XRN1: variants seen among roughly 807,000 people sequenced by gnomAD.
The protein encoded by XRN1 is 5'-3' exoribonuclease 1.
A neutral mutation model predicts 222.3 loss-of-function variants in XRN1; 67 were observed. The observed-to-expected ratio is 0.30, with a 90% CI of 0.25 to 0.37. The LOEUF is 0.37. XRN1 is among the 10% of genes least tolerant of loss of function. XRN1 has a pLI of 1.00. For synonymous variants in XRN1, 643 were observed against 652.4 expected (o/e 0.99, Z 0.22); for missense variants, 1,707 against 2,000.2 (o/e 0.85, Z 2.80).
rs1405343891 is a variant in XRN1 at position 142,310,469 on chromosome 3, A to C, written c.*1042T>G. The C allele has an allele frequency of 6.6e-6, 1 of 152,610 alleles. No homozygotes were observed. Among genetic ancestry groups the C allele is most frequent in the Non-Finnish European group, 1.5e-5 (1 of 68,026 alleles). The allele number at this position is 152,610 out of a possible 1,614,324, so 9.5% of individuals were successfully genotyped here. On this transcript the variant is annotated 3_prime_UTR_variant, in exon 41 of 41. Transcript: ENST00000392981. ...TCCCAGCATCATTGAACAGTTCAGCATAAAGCTAAAAATATAGAATCAGAA... is the reference window on the plus strand; with the variant it reads ...TCCCAGCATCATTGAACAGTTCAGCCTAAAGCTAAAAATATAGAATCAGAA...
rs115862286 is a variant in XRN1, at chr3:142,425,739, T to C, written c.407-201A>G. Among the ~76,000 whole-genome samples the C allele has an allele frequency of 8.7e-3, 1,332 of 152,234 alleles. 14 individuals carry two copies. Among genetic ancestry groups the C allele is most frequent in the Middle Eastern group, 0.027 (8 of 294 alleles). On this transcript the variant is annotated intron_variant, in intron 3 of 40. Coordinates refer to ENST00000392981, the MANE Select transcript of XRN1 (RefSeq NM_001282857.2). ...TTGCAAATATCACAACTGTTTCTAATGTCACTAGTCCCCCTAAATAGAATC... is the reference window on the plus strand; with the variant it reads ...TTGCAAATATCACAACTGTTTCTAACGTCACTAGTCCCCCTAAATAGAATC...
At chr3:142,402,024 T>G (rs1474425327) in intron 18 of XRN1, among the ~76,000 whole-genome samples, 1 of 152,184 alleles carries the variant, frequency 6.6e-6, no homozygotes, top group Non-Finnish European at 1.5e-5. Flanking sequence ...CATTTATAAC[T>G]GTGGGCATTT....
intron 2 of XRN1, among the ~76,000 whole-genome samples, chr3:142,429,481 G>C (rs1302569616): frequency 6.6e-6 from 1 of 152,088 alleles, no homozygotes; most frequent in East Asian, 1.9e-4. Flanking sequence ...GGAAATTTTA[G>C]TGGCATGGTG....
intron 39 of XRN1, among the ~76,000 whole-genome samples, chr3:142,315,808 C>T (rs752615818): frequency 6.6e-6 from 1 of 152,114 alleles, no homozygotes; most frequent in Non-Finnish European, 1.5e-5. Context: ...AGCCACTGCG[C>T]CCGGCCTAAA....
In XRN1 at chr3:142,306,773, T is replaced by C. The variant is rs985246251; in HGVS notation, c.*4738A>G. The C allele has an allele frequency of 6.6e-6, 1 of 152,576 alleles. No individual in the cohort carries two copies. Among genetic ancestry groups the C allele is most frequent in the African/African-American group, 2.4e-5 (1 of 41,438 alleles). The allele number at this position is 152,576 out of a possible 1,614,324, so 9.5% of individuals were successfully genotyped here. ...ATAACGTAACACCACAAAAATACAT[T>C]CGGAGTCCATTCCAATGCAAGTTTA... On this transcript the variant is annotated 3_prime_UTR_variant, in exon 41 of 41. Transcript: ENST00000392981.
chr3:142,307,081 T>C lies in XRN1; in HGVS notation c.*4430A>G, dbSNP rs956050222. ...TAGATGAAAATACTCAAAGAAGCAG[T>C]TGGATACAGGCAAAAGAAAATATGA... On this transcript the variant is annotated 3_prime_UTR_variant, in exon 41 of 41. Coordinates refer to ENST00000392981, the MANE Select transcript of XRN1 (RefSeq NM_001282857.2). 6.6e-6 allele frequency: 1 copy of C among 152,420 alleles called. No individual in the cohort carries two copies. The highest frequency in any genetic ancestry group is 2.4e-5 in the African/African-American group (1 of 41,420). 9.4% of individuals were successfully genotyped at this position (152,420 alleles called of 1,614,324 possible). A position where few individuals can be genotyped will look rare whatever the true frequency, so the allele number is the denominator to read the frequency against.
chr3:142,375,561 T>A (rs2067118066), intron 25 of XRN1, among the ~76,000 whole-genome samples: 1 of 152,156 alleles, frequency 6.6e-6, no homozygotes, highest in South Asian at 2.1e-4. Context: ...TAAGAAAAAT[T>A]TTAACTAAAG....
intron 37 of XRN1, among the ~76,000 whole-genome samples, chr3:142,325,841 A>G (rs1446500868): frequency 6.6e-6 from 1 of 152,122 alleles, no homozygotes; most frequent in Non-Finnish European, 1.5e-5. Context: ...TTGATTTTTG[A>G]AAATGGTGAG....
chr3:142,385,446 G>C (rs1169578969), intron 20 of XRN1, among the ~76,000 whole-genome samples: 1 of 152,070 alleles, frequency 6.6e-6, no homozygotes, highest in African/African-American at 2.4e-5. Flanking sequence ...AATAGATTGG[G>C]GGTTGCCAGG....
chr3:142,361,893 G>GT (rs35580489), intron 29 of XRN1, among the ~76,000 whole-genome samples: 51,191 of 121,954 alleles, frequency 0.42, 9,645 homozygotes, highest in Middle Eastern at 0.51. Context: ...TTTGAAGAGA[G>GT]TTTTTTTTTT....
chr3:142,388,566 G>A (rs2067596416), intron 20 of XRN1, among the ~76,000 whole-genome samples: 1 of 152,186 alleles, frequency 6.6e-6, no homozygotes, highest in African/African-American at 2.4e-5. Flanking sequence ...CTTTTTGTTA[G>A]TGGAGGGTCT....
chr3:142,334,803 A>ACACACACACACACACACACACACAC (rs57347012), intron 34 of XRN1, among the ~76,000 whole-genome samples: 3 of 134,240 alleles, frequency 2.2e-5, no homozygotes, highest in Non-Finnish European at 4.8e-5. Context: ...CACACACACA[A>ACACACACACACACACACACACACAC]AAGACCATAT....
intron 13 of XRN1, among the ~76,000 whole-genome samples, chr3:142,416,257 A>G (rs146267524): frequency 1.3e-5 from 2 of 152,190 alleles, no homozygotes; most frequent in African/African-American, 2.4e-5. Flanking sequence ...GCTCAGCTCA[A>G]TTGCAGCCTC....
At chr3:142,382,673 T>C (rs1283816155) in intron 22 of XRN1, among the ~76,000 whole-genome samples, 1 of 152,178 alleles carries the variant, frequency 6.6e-6, no homozygotes, top group African/African-American at 2.4e-5. Flanking sequence ...GTTATGAAAT[T>C]AGACGTCAAG....
At chr3:142,326,297 C>A (rs1213138385) in intron 37 of XRN1, among the ~76,000 whole-genome samples, 1 of 151,868 alleles carries the variant, frequency 6.6e-6, no homozygotes, top group African/African-American at 2.4e-5. Flanking sequence ...ACAATCTTTC[C>A]ATTTCTTTGT....
At chr3:142,330,440 C>A (rs1463446140) in intron 36 of XRN1, among the ~76,000 whole-genome samples, 1 of 152,000 alleles carries the variant, frequency 6.6e-6, no homozygotes, top group Non-Finnish European at 1.5e-5. Context: ...ACTAATAGAA[C>A]AAAAGCATAC....
Position 142,383,221 on chromosome 3 carries a change from T to G in XRN1, c.2616+79A>C, listed in dbSNP as rs540738643. On this transcript the variant is annotated intron_variant, in intron 22 of 40. Coordinates refer to ENST00000392981, the MANE Select transcript of XRN1 (RefSeq NM_001282857.2). ...TTTTCCCTTCATTATTATATTTTAA[T>G]TTAAACCTAAATGAAGAGAAGTTAA... The G allele has an allele frequency of 4.0e-4, 445 of 1,111,708 alleles. 2 individuals are homozygous for G. In the African/African-American group the frequency reaches 6.0e-3, roughly 15 times the overall value. The allele number at this position is 1,111,708 out of a possible 1,614,324, so 68.9% of individuals were successfully genotyped here. A position where few individuals can be genotyped will look rare whatever the true frequency, so the allele number is the denominator to read the frequency against.
At position 142,310,546 on chromosome 3, in the gene XRN1, T is replaced by C. The variant is rs551931635; in HGVS notation, c.*965A>G. On this transcript the variant is annotated 3_prime_UTR_variant, in exon 41 of 41. Coordinates refer to ENST00000392981, the MANE Select transcript of XRN1 (RefSeq NM_001282857.2). ...CACAAACTGATGACTGTGCCTCCTA[T>C]ATTGTAGCACACCTTGGAACTTAAA... 15 of 152,706 alleles carry C rather than the reference T, an allele frequency of 9.8e-5. No individual in the cohort carries two copies. The highest frequency in any genetic ancestry group is 3.6e-4 in the African/African-American group (15 of 41,564). 9.5% of individuals were successfully genotyped at this position (152,706 alleles called of 1,614,324 possible). A position where few individuals can be genotyped will look rare whatever the true frequency, so the allele number is the denominator to read the frequency against.
chr3:142,379,780 C>T (rs2067248225), intron 23 of XRN1, among the ~76,000 whole-genome samples: 1 of 152,154 alleles, frequency 6.6e-6, no homozygotes. Context: ...GTTTAAAACA[C>T]CTAAATCTGT....
Sources: allele counts gnomAD v4.1 joint callset (sites outside exome capture counted in the v4.1 genomes callset), GRCh38; gene constraint gnomAD v4.1.1; transcripts MANE v1.5; gene names NCBI Gene and HGNC (gene_info 2026-07-23, HGNC 2026-07-21).